SLC16A9: variants seen among roughly 807,000 people sequenced by gnomAD.
SLC16A9 encodes solute carrier family 16 member 9.
In SLC16A9, 26 loss-of-function variants were observed where a neutral mutation model predicts 44.3. The ratio of observed to expected loss-of-function variants is 0.59; its 90% CI spans 0.43 to 0.81. SLC16A9 has a LOEUF of 0.81. SLC16A9 is among the 40% of genes least tolerant of loss of function. SLC16A9 has a pLI of 0.00. For missense variants in SLC16A9, 559 were observed against 595.8 expected (o/e 0.94, Z 0.64); for synonymous variants, 230 against 225.1 (o/e 1.02, Z -0.19).
intron 4 of SLC16A9, among the ~76,000 whole-genome samples, chr10:59,661,662 T>C (rs1839477965): frequency 6.6e-6 from 1 of 152,160 alleles, no homozygotes; most frequent in Non-Finnish European, 1.5e-5. Context: ...AAATTTCATA[T>C]GGAAGCAAAA....
At chr10:59,670,787 G>T (rs1012488124) in intron 3 of SLC16A9, among the ~76,000 whole-genome samples, 5 of 152,022 alleles carry the variant, frequency 3.3e-5, no homozygotes, top group African/African-American at 1.2e-4. Context: ...GTAACAGAAT[G>T]AAAGTGCCAG....
At position 59,654,550 on chromosome 10, in the gene SLC16A9, C is replaced by A. The variant is rs1839304882; in HGVS notation, c.476G>T (p.Arg159Met). Residue 159 changes from arginine (R) to methionine (M), a missense_variant, in exon 5 of 6, where the codon AGG (arginine) becomes ATG (methionine). Coordinates refer to ENST00000395348, the MANE Select transcript of SLC16A9 (RefSeq NM_194298.3). ...CAGTCCATAGAACTCAACCAGCATC[C>A]TCTGCAGAGCAGCATATATGAAAAG... ...VGLFIYAALQ[R>M]MLVEFYGLDG... is the part of the protein sequence containing the mutation. The A allele has an allele frequency of 7.5e-6, 12 of 1,604,036 alleles. No individual in the cohort carries two copies. Among genetic ancestry groups the A allele is most frequent in the Non-Finnish European group, 1.0e-5 (12 of 1,179,112 alleles).
chr10:59,707,342 G>C (rs1840666431), intron 1 of SLC16A9, among the ~76,000 whole-genome samples: 1 of 144,964 alleles, frequency 6.9e-6, no homozygotes, highest in Admixed American at 6.9e-5. Flanking sequence ...GGGAGGGGAA[G>C]GGAGGGGAAG....
Position 59,652,554 on chromosome 10 carries a change from T to A in SLC16A9, c.*218A>T. ...CAAAACAGAATAGTCCCATTGATGG[T>A]GTGGGGAGGAGAAATAGAAAAAAAT... On this transcript the variant is annotated 3_prime_UTR_variant, in exon 6 of 6. Coordinates refer to ENST00000395348, the MANE Select transcript of SLC16A9 (RefSeq NM_194298.3). 1 of 424,054 alleles carries A rather than the reference T, an allele frequency of 2.4e-6. No homozygotes were observed. Among genetic ancestry groups the A allele is most frequent in the East Asian group, 4.1e-5 (1 of 24,362 alleles). 26.3% of individuals were successfully genotyped at this position (424,054 alleles called of 1,614,324 possible).
chr10:59,689,759 T>C (rs1840212919), intron 1 of SLC16A9, among the ~76,000 whole-genome samples: 1 of 152,220 alleles, frequency 6.6e-6, no homozygotes, highest in Admixed American at 6.5e-5. Context: ...TCAAGTTGAT[T>C]ATTTTAACCA....
intron 1 of SLC16A9, among the ~76,000 whole-genome samples, chr10:59,686,491 G>A (rs547301667): frequency 2.6e-5 from 4 of 152,274 alleles, no homozygotes; most frequent in African/African-American, 9.6e-5. Context: ...TATGTTCTTA[G>A]TGTTTAAAAT....
rs1484393760 is a variant in SLC16A9 at position 59,709,602 on chromosome 10, G to A, written c.-160C>T. On this transcript the variant is annotated 5_prime_UTR_variant, in exon 1 of 6. Coordinates refer to ENST00000395348, the MANE Select transcript of SLC16A9 (RefSeq NM_194298.3). ...TCCCCTGCAGCTCCGGGCCAGCCGG[G>A]CGGCTATTTATCCGAGCCAGCTGCG... is the stretch of plus-strand genomic sequence containing the variant. 3 of 152,466 alleles carry A rather than the reference G, an allele frequency of 2.0e-5. No individual in the cohort carries two copies. Among genetic ancestry groups the A allele is most frequent in the Non-Finnish European group, 4.4e-5 (3 of 68,292 alleles). The allele number at this position is 152,466 out of a possible 1,614,324, so 9.4% of individuals were successfully genotyped here.
chr10:59,695,357 C>T (rs1055776542), intron 1 of SLC16A9, among the ~76,000 whole-genome samples: 3 of 152,106 alleles, frequency 2.0e-5, no homozygotes, highest in Admixed American at 6.5e-5. Flanking sequence ...TTAATGTAAA[C>T]CCTATGTGAA....
intron 1 of SLC16A9, chr10:59,708,675 C>T (rs1840696344): frequency 6.6e-6 from 1 of 152,218 alleles, no homozygotes; most frequent in African/African-American, 2.4e-5. Context: ...ATAGACTAGG[C>T]ACCCAGAAAA....
intron 1 of SLC16A9, among the ~76,000 whole-genome samples, chr10:59,695,011 A>T (rs1171638): frequency 0.85 from 128,807 of 151,468 alleles, 55,358 homozygotes; most frequent in Middle Eastern, 0.95. Flanking sequence ...CAACAACATG[A>T]ATAACCTTAA....
At chr10:59,671,997 A>C (rs16913940) in intron 3 of SLC16A9, among the ~76,000 whole-genome samples, 21,173 of 152,210 alleles carry the variant, frequency 0.14, 1,562 homozygotes, top group East Asian at 0.22. Flanking sequence ...TCCAGGCAGA[A>C]AAAAGGAATA....
intron 4 of SLC16A9, among the ~76,000 whole-genome samples, chr10:59,657,947 A>ACT: frequency 6.6e-6 from 1 of 151,854 alleles, no homozygotes; most frequent in South Asian, 2.1e-4. Context: ...GCCTCATTAT[A>ACT]CTCTCCCCTC....
At chr10:59,681,783 G>GTAT (rs1337162927) in intron 2 of SLC16A9, among the ~76,000 whole-genome samples, 58 of 5,080 alleles carry the variant, frequency 0.011, 2 homozygotes, top group African/African-American at 0.013. Context: ...ATATGTATAT[G>GTAT]ATGTATATGT....
intron 1 of SLC16A9, among the ~76,000 whole-genome samples, chr10:59,699,239 C>G (rs936689268): frequency 2.0e-5 from 3 of 152,148 alleles, no homozygotes; most frequent in Non-Finnish European, 2.9e-5. Context: ...TTAATTTGCT[C>G]AAATTAACCA....
chr10:59,681,008 A>AATAATAATAATT (rs1412486755), intron 2 of SLC16A9, among the ~76,000 whole-genome samples: 2 of 151,442 alleles, frequency 1.3e-5, no homozygotes, highest in African/African-American at 2.4e-5. Flanking sequence ...TAACAATAAT[A>AATAATAATAATT]ATTCATGAAT....
At chr10:59,677,272 A>G (rs11006683) in intron 2 of SLC16A9, among the ~76,000 whole-genome samples, 16,767 of 151,904 alleles carry the variant, frequency 0.11, 1,098 homozygotes, top group Non-Finnish European at 0.14. Context: ...AAAAAAAATT[A>G]TAGAGACAGG....
At chr10:59,663,386 A>G (rs922912776) in intron 4 of SLC16A9, among the ~76,000 whole-genome samples, 2 of 152,092 alleles carry the variant, frequency 1.3e-5, no homozygotes, top group Non-Finnish European at 2.9e-5. Flanking sequence ...GAAAGAAAGA[A>G]AGAAAATGTG....
At chr10:59,703,429 A>G (rs1019043703) in intron 1 of SLC16A9, among the ~76,000 whole-genome samples, 1 of 152,188 alleles carries the variant, frequency 6.6e-6, no homozygotes, top group Non-Finnish European at 1.5e-5. Context: ...TGAAAAAAGG[A>G]TATTTTTTAA....
intron 1 of SLC16A9, among the ~76,000 whole-genome samples, chr10:59,698,558 T>G (rs1032440670): frequency 6.6e-6 from 1 of 152,052 alleles, no homozygotes; most frequent in Non-Finnish European, 1.5e-5. Context: ...TTGTCCCAAA[T>G]AGCCAAGCAC....
Sources: allele counts gnomAD v4.1 joint callset (sites outside exome capture counted in the v4.1 genomes callset), GRCh38; gene constraint gnomAD v4.1.1; transcripts MANE v1.5; gene names NCBI Gene and HGNC (gene_info 2026-07-23, HGNC 2026-07-21).